The following EXOC4 variants were observed in gnomAD, a reference collection of about 807,000 sequenced individuals.
EXOC4 encodes exocyst complex component 4, also known as SEC8-like 1.
A neutral mutation model predicts 107.2 loss-of-function variants in EXOC4; 71 were observed. That is an observed-to-expected ratio of 0.66 (90% CI 0.55 to 0.81). The LOEUF is 0.81. EXOC4 is among the 30% of genes least tolerant of loss of function. The pLI is 0.00. For missense variants in EXOC4, 1,108 were observed against 1,189.6 expected, an observed-to-expected ratio of 0.93 and a Z score of 1.01; for synonymous variants, 456 against 441.2, an observed-to-expected ratio of 1.03 and a Z score of -0.42.
intron 7 of EXOC4, among the ~76,000 whole-genome samples, chr7:133,451,406 T>A (rs1798344159): frequency 6.6e-6 from 1 of 152,120 alleles, no homozygotes; most frequent in Non-Finnish European, 1.5e-5. Flanking sequence ...CTTATTTTCT[T>A]TAGCTCTAAA....
chr7:133,795,939 A>G (rs1282099103), intron 10 of EXOC4, among the ~76,000 whole-genome samples: 2 of 152,220 alleles, frequency 1.3e-5, no homozygotes, highest in African/African-American at 2.4e-5. Context: ...CTGCTAAATC[A>G]TATTTACTCT....
chr7:133,898,572 C>T (rs757947318), intron 12 of EXOC4, among the ~76,000 whole-genome samples: 11 of 140,922 alleles, frequency 7.8e-5, no homozygotes, highest in Non-Finnish European at 1.4e-4. Context: ...GGTGAAACCC[C>T]GTCTCTACTA....
At chr7:133,953,232 G>C (rs1255946348) in intron 14 of EXOC4, among the ~76,000 whole-genome samples, 1 of 152,178 alleles carries the variant, frequency 6.6e-6, no homozygotes. Context: ...CGGATCACTT[G>C]AGGTCAAGAG....
At chr7:133,907,815 A>G (rs529721359) in intron 12 of EXOC4, among the ~76,000 whole-genome samples, 1,784 of 93,324 alleles carry the variant, frequency 0.019, 29 homozygotes, top group African/African-American at 0.087. Flanking sequence ...GAGAGAGAAG[A>G]AGGAGGAGGA....
rs186698660 is a variant in EXOC4 at position 133,268,770 on chromosome 7, C to T, written c.87-6212C>T. 4.8e-3 allele frequency among the ~76,000 whole-genome samples: 728 copies of T among 152,190 alleles called. 5 individuals carry two copies. The highest frequency in any genetic ancestry group is 0.017 in the African/African-American group (709 of 41,522). The stretch of plus-strand genomic sequence containing the variant: ...CTAGAACTTAATAACATATTTGTTC[C>T]TACTAGATGTTGTTAACAGTAGCTT... On this transcript the variant is annotated intron_variant, in intron 1 of 17. Coordinates refer to ENST00000253861, the MANE Select transcript of EXOC4 (RefSeq NM_021807.4).
chr7:133,536,926 ACT>A (rs1800280955), intron 9 of EXOC4, among the ~76,000 whole-genome samples: 1 of 151,934 alleles, frequency 6.6e-6, no homozygotes, highest in Non-Finnish European at 1.5e-5. Flanking sequence ...ACACTGACTA[ACT>A]CTTAGATTTG....
At chr7:133,957,749 C>T (rs1014068055) in intron 14 of EXOC4, among the ~76,000 whole-genome samples, 1 of 152,192 alleles carries the variant, frequency 6.6e-6, no homozygotes, top group Non-Finnish European at 1.5e-5. Context: ...TTGAGAAATG[C>T]ATCCCAGTAA....
chr7:133,869,095 G>C (rs1798700582), intron 11 of EXOC4, among the ~76,000 whole-genome samples: 1 of 151,224 alleles, frequency 6.6e-6, no homozygotes, highest in African/African-American at 2.4e-5. Context: ...AACTGAGAGT[G>C]TAACTTGTCT....
chr7:133,833,746 G>A (rs913780499), intron 11 of EXOC4, among the ~76,000 whole-genome samples: 9 of 152,082 alleles, frequency 5.9e-5, no homozygotes, highest in South Asian at 2.1e-4. Flanking sequence ...TGTATTTTTT[G>A]TAGAGACAGG....
In EXOC4 at chr7:133,883,828, G is replaced by A. The variant is rs569792638; in HGVS notation, c.1735-11771G>A. Among the ~76,000 whole-genome samples the A allele has an allele frequency of 7.9e-5, 12 of 152,304 alleles. No homozygotes were observed. The East Asian group carries it at 2.1e-3, about 27-fold the overall frequency. On this transcript the variant is annotated intron_variant, in intron 11 of 17. Transcript: ENST00000253861. ...GTTCCTCAGGCACCAGCTCTTGGAT[G>A]TATAGCCTTTTGCAAGTCATCTTAG... is the stretch of plus-strand genomic sequence containing the variant.
At chr7:133,394,323 T>C (rs1449571749) in intron 7 of EXOC4, among the ~76,000 whole-genome samples, 2 of 152,344 alleles carry the variant, frequency 1.3e-5, no homozygotes, top group African/African-American at 2.4e-5. Flanking sequence ...TACTCGTATT[T>C]AAAAATTTTT....
At chr7:134,062,885 A>G (rs1300805773) in intron 17 of EXOC4, among the ~76,000 whole-genome samples, 1 of 152,216 alleles carries the variant, frequency 6.6e-6, no homozygotes, top group Non-Finnish European at 1.5e-5. Context: ...TTTCTATTAC[A>G]GGCACAAGTC....
intron 3 of EXOC4, among the ~76,000 whole-genome samples, chr7:133,294,747 T>G (rs1230233935): frequency 1.3e-5 from 2 of 152,128 alleles, no homozygotes; most frequent in African/African-American, 4.8e-5. Flanking sequence ...GCTATTTAAT[T>G]GAATAGTTTT....
intron 9 of EXOC4, among the ~76,000 whole-genome samples, chr7:133,533,227 CAAAG>C (rs1800212833): frequency 6.6e-6 from 1 of 152,056 alleles, no homozygotes; most frequent in Admixed American, 6.6e-5. Context: ...TGAATAGTAA[CAAAG>C]AAAACCTGAA....
intron 9 of EXOC4, among the ~76,000 whole-genome samples, chr7:133,595,523 A>G (rs1801647231): frequency 6.6e-6 from 1 of 152,136 alleles, no homozygotes; most frequent in Non-Finnish European, 1.5e-5. Context: ...GTGTGTTTGT[A>G]TGTCAGAAAA....
At chr7:133,451,940 A>T (rs138578290) in intron 7 of EXOC4, among the ~76,000 whole-genome samples, 150 of 152,150 alleles carry the variant, frequency 9.9e-4, no homozygotes, top group African/African-American at 2.6e-3. Context: ...TTACCTTTTT[A>T]AAAAAAATAT....
At chr7:133,880,904 G>C (rs991964706) in intron 11 of EXOC4, among the ~76,000 whole-genome samples, 1 of 152,016 alleles carries the variant, frequency 6.6e-6, no homozygotes, top group African/African-American at 2.4e-5. Context: ...AATTCTAAAG[G>C]CATATAGTTT....
At position 133,947,980 on chromosome 7, in the gene EXOC4, G is replaced by A. The variant is rs370454468; in HGVS notation, c.2206+9911G>A. 2.6e-5 allele frequency among the ~76,000 whole-genome samples: 4 copies of A among 152,244 alleles called. No individual in the cohort carries two copies. The South Asian group carries it at 6.2e-4, about 24-fold the overall frequency. ...GAAAGCAAGAGAAGGCTCTAAAATG[G>A]CATGCTGAAATTGCAAAGCCAGACA... On this transcript the variant is annotated intron_variant, in intron 14 of 17. Transcript: ENST00000253861.
intron 9 of EXOC4, among the ~76,000 whole-genome samples, chr7:133,565,576 A>G (rs1249714456): frequency 2.0e-5 from 3 of 152,208 alleles, no homozygotes; most frequent in African/African-American, 4.8e-5. Context: ...TAAAATACAG[A>G]TGCCCAATTA....
Sources: gnomAD v4.1 joint callset for allele counts (sites outside exome capture counted in the v4.1 genomes callset) on GRCh38, gnomAD v4.1.1 for gene constraint, MANE v1.5 for transcripts, NCBI Gene and HGNC (gene_info 2026-07-23, HGNC 2026-07-21) for gene names.